Variants in MGAT4C observed in about 807,000 individuals in gnomAD.
MGAT4C encodes the protein alpha-1,3-mannosyl-glycoprotein 4-beta-N-acetylglucosaminyltransferase C.
Under a neutral mutation model 40.1 loss-of-function variants are expected in MGAT4C, and 19 were observed. The observed-to-expected ratio is 0.47, with a 90% CI of 0.33 to 0.70. The LOEUF (loss-of-function observed/expected upper bound fraction) is 0.70, where lower values mean the gene tolerates loss of function less well. Ranked by LOEUF, MGAT4C falls within the 30% of genes least tolerant of loss-of-function variation. MGAT4C has a pLI of 0.02. For synonymous variants in MGAT4C, 181 were observed against 187.1 expected (o/e 0.97, Z 0.27); for missense variants, 491 against 563.2 (o/e 0.87, Z 1.30).
intron 1 of MGAT4C, among the ~76,000 whole-genome samples, chr12:86,253,011 G>C (rs993161238): frequency 6.6e-6 from 1 of 151,866 alleles, no homozygotes; most frequent in Admixed American, 6.6e-5. Context: ...CAAATATAAT[G>C]TAAAAATCTA....
rs1882963238 is a variant in MGAT4C at position 85,958,918 on chromosome 12, T to C, written c.*20371A>G. On this transcript the variant is annotated 3_prime_UTR_variant, in exon 5 of 5. Coordinates refer to ENST00000611864, the MANE Select transcript of MGAT4C (RefSeq NM_001351288.2). ...ATTTTACAAACTTTATATTTTTGCA[T>C]ACACTTATCTTCCTGGCATTTTTGA... The C allele has an allele frequency of 6.6e-6, 1 of 152,058 alleles. No individual in the cohort carries two copies. 9.4% of individuals were successfully genotyped at this position (152,058 alleles called of 1,614,324 possible).
intron 2 of MGAT4C, among the ~76,000 whole-genome samples, chr12:86,035,398 A>G (rs2136918679): frequency 6.7e-6 from 1 of 150,158 alleles, no homozygotes; most frequent in East Asian, 1.9e-4. Context: ...GTGTCTGTTC[A>G]TATCCTTCAC....
chr12:86,739,163 A>AAAAAAAAAAAAAAAAAAAAAAAAAAAT (rs1951028470), intron 1 of MGAT4C, among the ~76,000 whole-genome samples: 1 of 129,680 alleles, frequency 7.7e-6, no homozygotes, highest in African/African-American at 2.8e-5. Context: ...AAAAAAAAAA[A>AAAAAAAAAAAAAAAAAAAAAAAAAAAT]TCTATGTTAT....
At chr12:86,495,359 G>C (rs1958218602) in intron 2 of MGAT4C, 1 of 152,052 alleles carries the variant, frequency 6.6e-6, no homozygotes, top group Admixed American at 6.6e-5. Flanking sequence ...TGTAATATTT[G>C]CTTTTATATA....
intron 4 of MGAT4C, among the ~76,000 whole-genome samples, chr12:86,264,036 G>A (rs968799019): frequency 3.3e-5 from 5 of 151,880 alleles, no homozygotes; most frequent in African/African-American, 7.3e-5. Flanking sequence ...GGGGTGGGGG[G>A]TTGTTGTTGG....
chr12:86,282,002 C>A (rs756218212), intron 4 of MGAT4C, among the ~76,000 whole-genome samples: 1 of 152,060 alleles, frequency 6.6e-6, no homozygotes, highest in South Asian at 2.1e-4. Flanking sequence ...CTTCTGCCTG[C>A]TTTAAAATTT....
intron 1 of MGAT4C, among the ~76,000 whole-genome samples, chr12:86,778,098 C>A (rs1442819709): frequency 1.3e-5 from 2 of 152,078 alleles, no homozygotes; most frequent in African/African-American, 4.8e-5. Flanking sequence ...TGCATCAAGG[C>A]CTTTTCCTTT....
At chr12:85,983,961 C>T (rs977751100) in intron 3 of MGAT4C, among the ~76,000 whole-genome samples, 1 of 152,166 alleles carries the variant, frequency 6.6e-6, no homozygotes, top group Non-Finnish European at 1.5e-5. Flanking sequence ...AGAATTTCTA[C>T]ATGAAAACTC....
At chr12:86,266,613 C>A (rs1290243291) in intron 4 of MGAT4C, among the ~76,000 whole-genome samples, 1 of 151,918 alleles carries the variant, frequency 6.6e-6, no homozygotes, top group African/African-American at 2.4e-5. Context: ...GTGATTGTGT[C>A]CTTGTCTGGT....
rs116134113 is a variant in MGAT4C at position 86,079,919 on chromosome 12, T to A, written c.-56-30196A>T. On this transcript the variant is annotated intron_variant, in intron 1 of 4. Coordinates refer to ENST00000611864, the MANE Select transcript of MGAT4C (RefSeq NM_001351288.2). ...TTCCAGGTCGTGCTCATTGAAATGA[T>A]TAACTCATTTAGCTAGGCCTCTCTC... Among the ~76,000 whole-genome samples, 138 of 152,182 alleles carry A rather than the reference T, an allele frequency of 9.1e-4. 1 individual carries two copies. Among genetic ancestry groups the A allele is most frequent in the African/African-American group, 3.2e-3 (134 of 41,524 alleles).
intron 1 of MGAT4C, among the ~76,000 whole-genome samples, chr12:86,246,444 T>C (rs1171864662): frequency 6.6e-6 from 1 of 152,138 alleles, no homozygotes; most frequent in Non-Finnish European, 1.5e-5. Context: ...GTTTACCATC[T>C]ATAAACATGC....
intron 2 of MGAT4C, among the ~76,000 whole-genome samples, chr12:86,726,324 C>T (rs959428519): frequency 6.6e-6 from 1 of 152,156 alleles, no homozygotes; most frequent in Non-Finnish European, 1.5e-5. Flanking sequence ...AGAGATGGAA[C>T]GTCAATATGC....
intron 3 of MGAT4C, among the ~76,000 whole-genome samples, chr12:86,358,432 T>C (rs1426690302): frequency 6.6e-6 from 1 of 151,932 alleles, no homozygotes; most frequent in African/African-American, 2.4e-5. Context: ...ACAAGCAAAA[T>C]AACTGGCTAA....
In MGAT4C at chr12:85,980,130, C is replaced by T. The variant is rs770702724; in HGVS notation, c.596G>A (p.Arg199His). ...YNDPEDRVKF[R>H]SKQNVDYAFL... ...AGCATAATCTACATTTTGCTTGGAA[C>T]GAAATTTGACTCTATCTTCTGGATC... The change falls in exon 5 of 5, where the codon CGT (arginine) becomes CAT (histidine). Residue 199 changes from arginine to histidine, a missense_variant. Physicochemically the swap from Arg to His is conservative, Grantham distance 29. Coordinates refer to ENST00000611864, the MANE Select transcript of MGAT4C (RefSeq NM_001351288.2). The T allele has an allele frequency of 7.4e-6, 12 of 1,613,778 alleles. No homozygotes were observed. Among genetic ancestry groups the T allele is most frequent in the East Asian group, 2.2e-5 (1 of 44,874 alleles).
At chr12:86,732,173 G>A (rs1260057501) in intron 1 of MGAT4C, among the ~76,000 whole-genome samples, 1 of 152,122 alleles carries the variant, frequency 6.6e-6, no homozygotes, top group Admixed American at 6.5e-5. Flanking sequence ...CATTCTGCTT[G>A]TCACTTTCAT....
At position 86,075,966 on chromosome 12, in the gene MGAT4C, A is replaced by G. The variant is rs183990354; in HGVS notation, c.-56-26243T>C. Among the ~76,000 whole-genome samples, 334 of 152,230 alleles carry G rather than the reference A, an allele frequency of 2.2e-3. 3 individuals carry two copies. Among genetic ancestry groups the G allele is most frequent in the African/African-American group, 7.6e-3 (317 of 41,530 alleles). ...ATTGGGCTCCTTGCTACTTATGCAA[A>G]TTTCTGCAGTCAGCTGAATTTCTCC... On this transcript the variant is annotated intron_variant, in intron 1 of 4. Transcript: ENST00000611864.
intron 2 of MGAT4C, among the ~76,000 whole-genome samples, chr12:86,519,442 T>C (rs1186163933): frequency 6.6e-6 from 1 of 152,158 alleles, no homozygotes; most frequent in Non-Finnish European, 1.5e-5. Flanking sequence ...TGCTGGATCA[T>C]GTGGCAGTTC....
chr12:86,781,917 T>A (rs575887807), intron 1 of MGAT4C, among the ~76,000 whole-genome samples: 37 of 97,082 alleles, frequency 3.8e-4, no homozygotes, highest in African/African-American at 9.6e-4. Flanking sequence ...AAAACAGAAT[T>A]GTTTTTTCTA....
chr12:86,238,367 A>G (rs1417461993), intron 1 of MGAT4C, among the ~76,000 whole-genome samples: 4 of 152,034 alleles, frequency 2.6e-5, no homozygotes, highest in Non-Finnish European at 5.9e-5. Flanking sequence ...ATTTTCTTAT[A>G]CTATCTGATG....
Sources: allele counts gnomAD v4.1 joint callset (sites outside exome capture counted in the v4.1 genomes callset), GRCh38; gene constraint gnomAD v4.1.1; transcripts MANE v1.5; gene names NCBI Gene and HGNC (gene_info 2026-07-23, HGNC 2026-07-21).